SLC7A5: variants seen among roughly 807,000 people sequenced by gnomAD.
SLC7A5 encodes solute carrier family 7 member 5, also known as large neutral amino acids transporter small subunit 1.
A neutral mutation model predicts 50.2 loss-of-function variants in SLC7A5; 23 were observed. That is an observed-to-expected ratio of 0.46 (90% CI 0.33 to 0.65). The LOEUF (loss-of-function observed/expected upper bound fraction) is 0.65, where lower values mean the gene tolerates loss of function less well. SLC7A5 is among the 30% of genes least tolerant of loss of function. SLC7A5 has a pLI of 0.02. For synonymous variants in SLC7A5, 393 were observed against 330.6 expected (o/e 1.19, Z -2.05); for missense variants, 578 against 684.4 (o/e 0.84, Z 1.73).
At chr16:87,843,399 C>T (rs1453843905) in intron 2 of SLC7A5, among the ~76,000 whole-genome samples, 3 of 91,372 alleles carry the variant, frequency 3.3e-5, no homozygotes, top group South Asian at 7.1e-4. Context: ...GACAGAGTTC[C>T]ACCACGCTTG....
At chr16:87,864,461 A>G (rs2055437734) in intron 1 of SLC7A5, among the ~76,000 whole-genome samples, 1 of 152,086 alleles carries the variant, frequency 6.6e-6, no homozygotes, top group South Asian at 2.1e-4. Flanking sequence ...TGCACCTGTC[A>G]GAAGCCCCCC....
rs1400409013 is a variant in SLC7A5, at chr16:87,852,043, C to A, written c.539-194G>T. Among the ~76,000 whole-genome samples the A allele has an allele frequency of 1.3e-5, 2 of 152,120 alleles. No individual in the cohort carries two copies. Among genetic ancestry groups the A allele is most frequent in the African/African-American group, 4.8e-5 (2 of 41,414 alleles). On this transcript the variant is annotated intron_variant, in intron 1 of 9. Coordinates refer to ENST00000261622, the MANE Select transcript of SLC7A5 (RefSeq NM_003486.7). The surrounding 1 kb of genome is among the most constrained non-coding windows in gnomAD (Gnocchi z 4.5). ...CTGAGACCTGTTTTGATAAACTTCG[C>A]AGTCCTTTCAGGTCTAAGGGCTGGA...
At position 87,836,438 on chromosome 16, in the gene SLC7A5, G is replaced by A. The variant is rs532378662; in HGVS notation, c.1290+60C>T. On this transcript the variant is annotated intron_variant, in intron 8 of 9. Transcript: ENST00000261622. ...GCTGGCTCCCAACTCAGGGTCCTTAGGACCCACGGACCCTGCCTCTGTGAA... is the reference window on the plus strand; with the variant it reads ...GCTGGCTCCCAACTCAGGGTCCTTAAGACCCACGGACCCTGCCTCTGTGAA... The A allele has an allele frequency of 1.6e-4, 257 of 1,587,932 alleles. 1 individual carries two copies. The African/African-American group carries it at 2.8e-3, about 17-fold the overall frequency.
At position 87,840,600 on chromosome 16, in the gene SLC7A5, C is replaced by T. The variant is rs543570785; in HGVS notation, c.771-127G>A. On this transcript the variant is annotated intron_variant, in intron 3 of 9. Transcript: ENST00000261622. ...GTGGTCTGCTCGCTGGGCTGGAAAG[C>T]GGACCTGGAGTGGGAGGGAGCTCAG... 7.6e-3 allele frequency: 6,202 copies of T among 813,142 alleles called. 115 individuals carry two copies. Among genetic ancestry groups the T allele is most frequent in the South Asian group, 0.039 (2,767 of 71,694 alleles). The allele number at this position is 813,142 out of a possible 1,614,324, so 50.4% of individuals were successfully genotyped here. A position where few individuals can be genotyped will look rare whatever the true frequency, so the allele number is the denominator to read the frequency against.
rs1472678777 is a variant in SLC7A5 at position 87,839,725 on chromosome 16, G to A, written c.916C>T (p.Leu306=). The change falls in exon 5 of 10, where the codon CTG becomes TTG. Residue 306 remains leucine (L), a synonymous_variant. Coordinates refer to ENST00000261622, the MANE Select transcript of SLC7A5 (RefSeq NM_003486.7). ...YFTTLSTEQM[L]SSEAVAVDFG... is the part of the protein sequence containing the mutation. ...ACCACGGCCACGGCCTCGGACGACA[G>A]CATCTGCTCGGTGGACAGGGTGGTG... is the stretch of plus-strand genomic sequence containing the variant. The A allele has an allele frequency of 1.2e-6, 2 of 1,613,736 alleles. No individual in the cohort carries two copies. The highest frequency in any genetic ancestry group is 3.3e-5 in the Admixed American group (2 of 60,032).
At position 87,851,726 on chromosome 16, in the gene SLC7A5, T is replaced by C. The variant is rs1475193503; in HGVS notation, c.662A>G (p.Lys221Arg). The C allele has an allele frequency of 6.2e-7, 1 of 1,612,002 alleles. No homozygotes were observed. Among genetic ancestry groups the C allele is most frequent in the Non-Finnish European group, 8.5e-7 (1 of 1,179,086 alleles). The change falls in exon 2 of 10, where the codon AAG (lysine) becomes AGG (arginine). Residue 221 changes from lysine (K) to arginine (R), a missense_variant and splice_region_variant. Coordinates refer to ENST00000261622, the MANE Select transcript of SLC7A5 (RefSeq NM_003486.7). ...IILLGFVQIG[K>R]GDVSNLDPNF... The stretch of plus-strand genomic sequence containing the variant: ...TGGGGCCTGGGGGACGTACTCACCC[T>C]TCCCGATCTGGACGAAGCCCAGCAG...
chr16:87,833,146 G>A lies in SLC7A5; in HGVS notation c.1469-121C>T, dbSNP rs775294608. 9.2e-5 allele frequency: 77 copies of A among 838,148 alleles called. No homozygotes were observed. Among genetic ancestry groups the A allele is most frequent in the East Asian group, 2.2e-4 (9 of 40,268 alleles). 51.9% of individuals were successfully genotyped at this position (838,148 alleles called of 1,614,324 possible). On this transcript the variant is annotated intron_variant, in intron 9 of 9. Coordinates refer to ENST00000261622, the MANE Select transcript of SLC7A5 (RefSeq NM_003486.7). The surrounding 1 kb of genome is among the most constrained non-coding windows in gnomAD (Gnocchi z 6.0). ...ACCAAACCCAGCGCCGCTGCCCAGC[G>A]CTGGGATTTTAAGGAACCTTCCCTT...
rs117151913 is a variant in SLC7A5 at position 87,848,773 on chromosome 16, C to G, written c.664+2951G>C. Among the ~76,000 whole-genome samples the G allele has an allele frequency of 7.8e-3, 1,192 of 152,360 alleles. 8 individuals carry two copies. Among genetic ancestry groups the G allele is most frequent in the Non-Finnish European group, 0.013 (888 of 68,034 alleles). ...CTCTCCCATTCACGTGCCTATGGCT[C>G]TCAGGTCCCCCCATGAGCTCTGGAT... is the stretch of plus-strand genomic sequence containing the variant. On this transcript the variant is annotated intron_variant, in intron 2 of 9. Coordinates refer to ENST00000261622, the MANE Select transcript of SLC7A5 (RefSeq NM_003486.7).
rs1162492907 is a variant in SLC7A5, at chr16:87,832,883, T to C, written c.*87A>G. ...CTGGGATGGGCAGCTGAGCTGTGGGTTGCGGGGAACCGGAGTGGGTTCGAG... is the reference window on the plus strand; with the variant it reads ...CTGGGATGGGCAGCTGAGCTGTGGGCTGCGGGGAACCGGAGTGGGTTCGAG... On this transcript the variant is annotated 3_prime_UTR_variant, in exon 10 of 10. Coordinates refer to ENST00000261622, the MANE Select transcript of SLC7A5 (RefSeq NM_003486.7). The surrounding 1 kb of genome is among the most constrained non-coding windows in gnomAD (Gnocchi z 4.6). 4 of 1,076,228 alleles carry C rather than the reference T, an allele frequency of 3.7e-6. No homozygotes were observed. Among genetic ancestry groups the C allele is most frequent in the African/African-American group, 3.1e-5 (2 of 64,550 alleles). 66.7% of individuals were successfully genotyped at this position (1,076,228 alleles called of 1,614,324 possible). A position where few individuals can be genotyped will look rare whatever the true frequency, so the allele number is the denominator to read the frequency against.
At chr16:87,855,793 T>C (rs1424040764) in intron 1 of SLC7A5, among the ~76,000 whole-genome samples, 1 of 152,014 alleles carries the variant, frequency 6.6e-6, no homozygotes, top group East Asian at 1.9e-4. Flanking sequence ...GGGCCCCGGC[T>C]GGGTGGGGAC....
At chr16:87,868,776 C>A in intron 1 of SLC7A5, 109 bp downstream of exon 1, 1 of 1,188,702 alleles carries the variant, frequency 8.4e-7, no homozygotes, top group African/African-American at 1.5e-5. Context: ...CCGGGATGGT[C>A]CAGGAACGTA....
At position 87,862,117 on chromosome 16, in the gene SLC7A5, T is replaced by C. The variant is rs985577222; in HGVS notation, c.538+6768A>G. 4.6e-5 allele frequency among the ~76,000 whole-genome samples: 7 copies of C among 151,722 alleles called. No individual in the cohort carries two copies. Among genetic ancestry groups the C allele is most frequent in the African/African-American group, 1.2e-4 (5 of 41,226 alleles). On this transcript the variant is annotated intron_variant, in intron 1 of 9. Coordinates refer to ENST00000261622, the MANE Select transcript of SLC7A5 (RefSeq NM_003486.7). The surrounding 1 kb of genome is among the most constrained non-coding windows in gnomAD (Gnocchi z 5.3). Reference sequence around the variant, plus strand: ...TTTTACACAGGCCTGGACTGAGAAGTGGGGCTACAGGCTACAGGTGCTTGA... The same window carrying C: ...TTTTACACAGGCCTGGACTGAGAAGCGGGGCTACAGGCTACAGGTGCTTGA...
chr16:87,851,474 C>T (rs910600227), intron 2 of SLC7A5, among the ~76,000 whole-genome samples: 2 of 152,194 alleles, frequency 1.3e-5, no homozygotes, highest in African/African-American at 4.8e-5. Flanking sequence ...GACATCGCAG[C>T]GTAAAAAACA....
intron 7 of SLC7A5, 179 bp downstream of exon 7, chr16:87,837,666 A>T (rs1247860875): frequency 3.4e-6 from 2 of 591,182 alleles, no homozygotes; most frequent in African/African-American, 3.7e-5. Flanking sequence ...TTATTTTTGG[A>T]ATAAAATCTA....
At position 87,832,935 on chromosome 16, in the gene SLC7A5, G is replaced by A. The variant is rs1358789258; in HGVS notation, c.*35C>T. The A allele has an allele frequency of 6.3e-7, 1 of 1,585,312 alleles. No homozygotes were observed. Among genetic ancestry groups the A allele is most frequent in the South Asian group, 1.1e-5 (1 of 90,484 alleles). Reference sequence around the variant, plus strand: ...AGGTGATCTACTTTAACTGGCCTCTGCGCATGCTCCTCCGGCAGCCACTCG... The same window carrying A: ...AGGTGATCTACTTTAACTGGCCTCTACGCATGCTCCTCCGGCAGCCACTCG... On this transcript the variant is annotated 3_prime_UTR_variant, in exon 10 of 10. Coordinates refer to ENST00000261622, the MANE Select transcript of SLC7A5 (RefSeq NM_003486.7). This position sits in a 1 kb window ranked among gnomAD's most constrained non-coding sequence, Gnocchi z 4.6.
intron 9 of SLC7A5, 111 bp downstream of exon 9, chr16:87,834,303 T>G: frequency 9.3e-7 from 1 of 1,078,670 alleles, no homozygotes; most frequent in East Asian, 2.6e-5. Flanking sequence ...TGAACCCTCC[T>G]GCCACCCAAC....
chr16:87,868,737 C>T lies in SLC7A5; in HGVS notation c.538+148G>A, dbSNP rs538232460. 17 of 816,930 alleles carry T rather than the reference C, an allele frequency of 2.1e-5. No homozygotes were observed. The East Asian group carries it at 4.5e-4, about 22-fold the overall frequency. 50.6% of individuals were successfully genotyped at this position (816,930 alleles called of 1,614,324 possible). ...TGAATGAAAGAAACGCACGTGGTTT[C>T]TGGGACCAATGACCTTAGCCTAGAA... is the stretch of plus-strand genomic sequence containing the variant. On this transcript the variant is annotated intron_variant, in intron 1 of 9. Coordinates refer to ENST00000261622, the MANE Select transcript of SLC7A5 (RefSeq NM_003486.7).
At chr16:87,866,349 G>A (rs1031652796) in intron 1 of SLC7A5, among the ~76,000 whole-genome samples, 1 of 152,240 alleles carries the variant, frequency 6.6e-6, no homozygotes, top group Non-Finnish European at 1.5e-5. Context: ...GGGTGGTAAA[G>A]GAGGAGAAAT....
At chr16:87,849,360 C>G (rs1437430976) in intron 2 of SLC7A5, among the ~76,000 whole-genome samples, 3 of 152,222 alleles carry the variant, frequency 2.0e-5, no homozygotes, top group Non-Finnish European at 4.4e-5. Flanking sequence ...ATTCTGCAGA[C>G]ACTGCACTGT....
Sources: gnomAD v4.1 joint callset for allele counts (sites outside exome capture counted in the v4.1 genomes callset) on GRCh38, gnomAD v4.1.1 for gene constraint, Gnocchi (gnomAD v3.1) non-coding constraint, MANE v1.5 for transcripts, NCBI Gene and HGNC (gene_info 2026-07-23, HGNC 2026-07-21) for gene names.